The following NEMF variants were observed in gnomAD, a reference collection of about 807,000 sequenced individuals.
NEMF encodes nuclear export mediator factor, also known as ribosome quality control complex subunit NEMF.
NEMF carries 89 observed loss-of-function variants against 162.2 expected under a neutral mutation model. The ratio of observed to expected loss-of-function variants is 0.55; its 90% CI spans 0.46 to 0.65. NEMF has a LOEUF of 0.65. Ranked by LOEUF, NEMF falls within the 30% of genes least tolerant of loss-of-function variation. NEMF has a pLI of 0.00. For missense variants in NEMF, 1,133 were observed against 1,261.9 expected (o/e 0.90, Z 1.55); for synonymous variants, 421 against 404.5 (o/e 1.04, Z -0.49).
In NEMF at chr14:49,852,614, A is replaced by G. The variant is rs1478712370; in HGVS notation, c.59+81T>C. 8 of 1,454,224 alleles carry G rather than the reference A, an allele frequency of 5.5e-6. No homozygotes were observed. In the South Asian group the frequency reaches 9.2e-5, roughly 17 times the overall value. The allele number at this position is 1,454,224 out of a possible 1,614,324, so 90.1% of individuals were successfully genotyped here. ...CACTAGGAAATAAGGAAACATATCA[A>G]GCTGGTCTGTTTGCGCCATGGGACT... On this transcript the variant is annotated intron_variant, in intron 1 of 32. Transcript: ENST00000298310.
chr14:49,846,340 GCTT>G, intron 3 of NEMF, 75 bp from the exon 4 acceptor site: 1 of 1,368,212 alleles, frequency 7.3e-7, no homozygotes, highest in Non-Finnish European at 1.0e-6. Context: ...TTATAAATAA[GCTT>G]CTTTTCATTA....
At chr14:49,834,153 C>T in intron 7 of NEMF, 1 of 588,622 alleles carries the variant, frequency 1.7e-6, no homozygotes. Context: ...TGCAGCTGTG[C>T]AGTCACCACC....
intron 1 of NEMF, among the ~76,000 whole-genome samples, chr14:49,852,186 T>A (rs965835662): frequency 3.3e-5 from 5 of 150,800 alleles, no homozygotes; most frequent in Admixed American, 3.3e-4. Flanking sequence ...AAAAAAAAGA[T>A]AAAAGAGGGC....
chr14:49,828,138 G>A (rs1188649344), intron 15 of NEMF, among the ~76,000 whole-genome samples, 153 bp downstream of exon 15: 1 of 152,070 alleles, frequency 6.6e-6, no homozygotes, highest in Non-Finnish European at 1.5e-5. Flanking sequence ...GTCCTGGGGG[G>A]AAAAAATACT....
intron 26 of NEMF, among the ~76,000 whole-genome samples, chr14:49,790,667 T>C (rs1485842300): frequency 6.6e-6 from 1 of 152,062 alleles, no homozygotes; most frequent in African/African-American, 2.4e-5. Flanking sequence ...CATATGTATA[T>C]GAACAGAAAT....
chr14:49,819,345 G>A (rs1446339533), intron 16 of NEMF, among the ~76,000 whole-genome samples: 1 of 151,650 alleles, frequency 6.6e-6, no homozygotes, highest in Admixed American at 6.6e-5. Context: ...GTGCTTGACT[G>A]TTTCATTTCA....
At position 49,840,750 on chromosome 14, in the gene NEMF, A is replaced by T. The variant is rs1893161466; in HGVS notation, c.474T>A (p.Ala158=). The change falls in exon 5 of 33, where the codon GCT becomes GCA. Residue 158 remains alanine (A), a synonymous_variant. Transcript: ENST00000298310. ...AAGTAAGCAAAGGTTCAGCAGCTCTAGCATGATCAAGTGGATAGCGTTCAC... is the reference window on the plus strand; with the variant it reads ...AAGTAAGCAAAGGTTCAGCAGCTCTTGCATGATCAAGTGGATAGCGTTCAC... The part of the protein sequence containing the change: ...AVRERYPLDH[A]RAAEPLLTLE... The T allele has an allele frequency of 6.2e-7, 1 of 1,613,936 alleles. No individual in the cohort carries two copies.
At chr14:49,852,225 T>A (rs1893813888) in intron 1 of NEMF, among the ~76,000 whole-genome samples, 1 of 152,082 alleles carries the variant, frequency 6.6e-6, no homozygotes, top group African/African-American at 2.4e-5. Context: ...CTCACAGGGC[T>A]GAATAATAGA....
intron 16 of NEMF, among the ~76,000 whole-genome samples, chr14:49,815,925 C>T (rs1313988445): frequency 6.6e-6 from 1 of 151,986 alleles, no homozygotes; most frequent in African/African-American, 2.4e-5. Context: ...GATGGCACCC[C>T]TGCACTCCAG....
chr14:49,806,165 A>C (rs773899207), intron 18 of NEMF, 32 bp from the exon 19 acceptor site: 48 of 1,516,614 alleles, frequency 3.2e-5, no homozygotes, highest in Non-Finnish European at 4.3e-5. Flanking sequence ...TTTCAATACC[A>C]AAGTATGGAC....
intron 15 of NEMF, among the ~76,000 whole-genome samples, chr14:49,828,063 T>C (rs775295317): frequency 1.3e-5 from 2 of 152,190 alleles, no homozygotes; most frequent in Non-Finnish European, 2.9e-5. Context: ...CAAACATTTT[T>C]AACCTGAGTG....
chr14:49,801,650 C>T (rs1252587673), intron 22 of NEMF: 1 of 152,082 alleles, frequency 6.6e-6, no homozygotes, highest in African/African-American at 2.4e-5. Context: ...AGAATAACTA[C>T]AAAAGTAGTT....
chr14:49,802,471 CTGATAT>C lies in NEMF; in HGVS notation c.2071_2076del (p.Ile691_Ser692del). On this transcript the variant is annotated inframe_deletion, in exon 22 of 33. Coordinates refer to ENST00000298310, the MANE Select transcript of NEMF (RefSeq NM_004713.6). ...AAACTACCTAATTGTTCCATTTCTT[CTGATAT>C]GAGTTCACTTGTACAACTTGCCAGT... 1 of 1,613,300 alleles carries C rather than the reference CTGATAT, an allele frequency of 6.2e-7. No homozygotes were observed.
chr14:49,796,259 A>G (rs919271055), intron 25 of NEMF: 1 of 485,662 alleles, frequency 2.1e-6, no homozygotes, highest in Non-Finnish European at 4.1e-6. Context: ...TGGGATTTGT[A>G]GTCTTTGTAC....
At chr14:49,845,581 T>A (rs1594809499) in intron 4 of NEMF, among the ~76,000 whole-genome samples, 1 of 152,360 alleles carries the variant, frequency 6.6e-6, no homozygotes, top group Middle Eastern at 3.4e-3. Context: ...TACAATACTT[T>A]CTTTCTTTAG....
In NEMF at chr14:49,789,154, C is replaced by A; in HGVS notation, c.2887G>T (p.Asp963Tyr). 6.2e-7 allele frequency: 1 copy of A among 1,613,492 alleles called. No homozygotes were observed. The highest frequency in any genetic ancestry group is 1.1e-5 in the South Asian group (1 of 90,814). ...LQDFAVDDPH[D>Y]DKEEQDLDQQ... ...CCACAAAGTAGCCATACCTTGTCATCATGTGGATCATCTACAGCAAAGTCT... is the reference window on the plus strand; with the variant it reads ...CCACAAAGTAGCCATACCTTGTCATAATGTGGATCATCTACAGCAAAGTCT... The change falls in exon 28 of 33, where the codon GAT (aspartate) becomes TAT (tyrosine). Residue 963 changes from aspartate (D) to tyrosine (Y), a missense_variant. Asp to Tyr is a radical substitution (Grantham distance 160). Coordinates refer to ENST00000298310, the MANE Select transcript of NEMF (RefSeq NM_004713.6).
At chr14:49,848,195 C>T (rs1893604553) in intron 3 of NEMF, among the ~76,000 whole-genome samples, 1 of 152,068 alleles carries the variant, frequency 6.6e-6, no homozygotes, top group African/African-American at 2.4e-5. Context: ...CTAATATAAC[C>T]CAAAGAGAAT....
At chr14:49,812,795 G>A (rs896598996) in intron 18 of NEMF, among the ~76,000 whole-genome samples, 23 of 151,376 alleles carry the variant, frequency 1.5e-4, no homozygotes, top group Non-Finnish European at 2.8e-4. Context: ...TAAATGTATT[G>A]AGGCTTTTTT....
rs1183772303 is a variant in NEMF at position 49,828,874 on chromosome 14, T to C, written c.1233-67A>G. 3.0e-6 allele frequency: 4 copies of C among 1,350,318 alleles called. No individual in the cohort carries two copies. The East Asian group carries it at 9.9e-5, about 33-fold the overall frequency. 83.6% of individuals were successfully genotyped at this position (1,350,318 alleles called of 1,614,324 possible). A position where few individuals can be genotyped will look rare whatever the true frequency, so the allele number is the denominator to read the frequency against. On this transcript the variant is annotated intron_variant, in intron 13 of 32. Transcript: ENST00000298310. The stretch of plus-strand genomic sequence containing the variant: ...ATCACTTTTATTTTCAATTTTCTTC[T>C]TCAATAAAATTATAAATGGTTTACA...
Sources: gnomAD v4.1 joint callset for allele counts (sites outside exome capture counted in the v4.1 genomes callset) on GRCh38, gnomAD v4.1.1 for gene constraint, MANE v1.5 for transcripts, NCBI Gene and HGNC (gene_info 2026-07-23, HGNC 2026-07-21) for gene names.